The following TEP1 variants were observed in gnomAD, a reference collection of about 807,000 sequenced individuals.
The protein encoded by TEP1 is telomerase associated protein 1, also known as telomerase protein component 1.
Under a neutral mutation model 306.3 loss-of-function variants are expected in TEP1, and 241 were observed. The ratio of observed to expected loss-of-function variants is 0.79; its 90% CI spans 0.71 to 0.88. The LOEUF (loss-of-function observed/expected upper bound fraction) is 0.88, where lower values mean the gene tolerates loss of function less well. TEP1 is among the 40% of genes least tolerant of loss of function. The pLI is 0.00. For missense variants in TEP1, 3,051 were observed against 3,276.1 expected, an observed-to-expected ratio of 0.93 and a Z score of 1.68; for synonymous variants, 1,289 against 1,305.5, an observed-to-expected ratio of 0.99 and a Z score of 0.27.
Position 20,400,919 on chromosome 14 carries a change from A to T in TEP1, c.1549+65T>A, listed in dbSNP as rs1490264011. Reference sequence around the variant, plus strand: ...ATTCCACAGAAATCTTCTAGTGAGGATCTAAAATGTGGAGGCATAAATGGG... The same window carrying T: ...ATTCCACAGAAATCTTCTAGTGAGGTTCTAAAATGTGGAGGCATAAATGGG... On this transcript the variant is annotated intron_variant, in intron 9 of 54. Coordinates refer to ENST00000262715, the MANE Select transcript of TEP1 (RefSeq NM_007110.5). 7 of 1,566,690 alleles carry T rather than the reference A, an allele frequency of 4.5e-6. No individual in the cohort carries two copies. The African/African-American group carries it at 8.2e-5, about 18-fold the overall frequency.
At chr14:20,404,803 C>T (rs1879045687) in intron 4 of TEP1, 31 bp from the exon 5 acceptor site, 1 of 1,573,826 alleles carries the variant, frequency 6.4e-7, no homozygotes, top group Non-Finnish European at 8.6e-7. Context: ...ACTAGAATCT[C>T]AGTCACTCCT....
intron 1 of TEP1, among the ~76,000 whole-genome samples, chr14:20,409,890 C>T (rs996292550): frequency 5.3e-5 from 8 of 151,434 alleles, no homozygotes; most frequent in African/African-American, 1.5e-4. Flanking sequence ...GGCAGGGTGG[C>T]GGGCACCTGT....
At chr14:20,400,696 G>C in intron 9 of TEP1, 1 of 339,420 alleles carries the variant, frequency 2.9e-6, no homozygotes, top group Non-Finnish European at 5.5e-6. Context: ...GAGTTACAGA[G>C]ATATCGATAT....
chr14:20,406,592 C>A (rs989477358), intron 2 of TEP1, among the ~76,000 whole-genome samples, 192 bp from the exon 3 acceptor site: 1 of 152,234 alleles, frequency 6.6e-6, no homozygotes, highest in Non-Finnish European at 1.5e-5. Context: ...CCACCTTGCT[C>A]TACTCAACCT....
At position 20,381,064 on chromosome 14, in the gene TEP1, A is replaced by G; in HGVS notation, c.4648-19T>C. Reference sequence around the variant, plus strand: ...TCTGGAGCTGAGAAGGTCAGATTGAATTCATTAGGGATATGAAGGGGCTGG... The same window carrying G: ...TCTGGAGCTGAGAAGGTCAGATTGAGTTCATTAGGGATATGAAGGGGCTGG... On this transcript the variant is annotated intron_variant, in intron 32 of 54. Coordinates refer to ENST00000262715, the MANE Select transcript of TEP1 (RefSeq NM_007110.5). The surrounding 1 kb of genome is among the most constrained non-coding windows in gnomAD (Gnocchi z 4.0). 2 of 1,599,926 alleles carry G rather than the reference A, an allele frequency of 1.3e-6. No homozygotes were observed. The highest frequency in any genetic ancestry group is 1.7e-6 in the Non-Finnish European group (2 of 1,167,106).
chr14:20,395,965 G>C lies in TEP1; in HGVS notation c.1660-16C>G. 1 of 1,612,094 alleles carries C rather than the reference G, an allele frequency of 6.2e-7. No individual in the cohort carries two copies. Among genetic ancestry groups the C allele is most frequent in the East Asian group, 2.2e-5 (1 of 44,882 alleles). On this transcript the variant is annotated splice_polypyrimidine_tract_variant and intron_variant, in intron 10 of 54. Coordinates refer to ENST00000262715, the MANE Select transcript of TEP1 (RefSeq NM_007110.5). ...TCACCGACTTCTAGAAAGCAAAGGA[G>C]GGAGGGGTCATGAGCACAGGAGCCG...
intron 9 of TEP1, among the ~76,000 whole-genome samples, chr14:20,399,307 A>C (rs1035573797): frequency 6.6e-6 from 1 of 152,208 alleles, no homozygotes; most frequent in African/African-American, 2.4e-5. Flanking sequence ...ACTATGTATA[A>C]AAGGTTTTCT....
chr14:20,368,404 C>G lies in TEP1; in HGVS notation c.*33G>C. On this transcript the variant is annotated 3_prime_UTR_variant, in exon 55 of 55. Transcript: ENST00000262715. ...GTCTTCAGGCTTTGCATCTCTAGCA[C>G]AAGGGGTATCATTATTCCCGAGTGG... is the stretch of plus-strand genomic sequence containing the variant. The G allele has an allele frequency of 6.2e-7, 1 of 1,608,534 alleles. No homozygotes were observed. The highest frequency in any genetic ancestry group is 1.3e-5 in the African/African-American group (1 of 74,942).
chr14:20,374,383 T>C (rs371092675), intron 44 of TEP1, 46 bp downstream of exon 44: 130 of 1,448,652 alleles, frequency 9.0e-5, no homozygotes, highest in Admixed American at 3.8e-4. Context: ...AAAGCCCCCT[T>C]AGCCCTTCCA....
At chr14:20,383,128 C>T (rs373793340) in intron 27 of TEP1, 46 bp downstream of exon 27, 37 of 1,535,650 alleles carry the variant, frequency 2.4e-5, no homozygotes, top group Non-Finnish European at 3.1e-5. Flanking sequence ...CCTCATAGCT[C>T]CCAGATTCAC....
intron 51 of TEP1, 67 bp downstream of exon 51, chr14:20,371,151 C>T (rs1884808043): frequency 7.2e-7 from 1 of 1,386,476 alleles, no homozygotes; most frequent in Non-Finnish European, 1.0e-6. Flanking sequence ...CCATGACGGG[C>T]CCCAAGGTGT....
chr14:20,378,599 C>A (rs1885341600), intron 37 of TEP1, 64 bp from the exon 38 acceptor site: 2 of 1,607,210 alleles, frequency 1.2e-6, no homozygotes, highest in Admixed American at 3.3e-5. Flanking sequence ...CAGTCCCAGA[C>A]CTCCAGGAGC....
At chr14:20,400,213 C>A (rs1202398441) in intron 9 of TEP1, among the ~76,000 whole-genome samples, 2 of 150,936 alleles carry the variant, frequency 1.3e-5, no homozygotes, top group African/African-American at 4.9e-5. Flanking sequence ...TTCTACTCCA[C>A]CCCAAGTGGT....
chr14:20,384,945 T>G, intron 21 of TEP1, 40 bp downstream of exon 21: 1 of 1,613,812 alleles, frequency 6.2e-7, no homozygotes, highest in Non-Finnish European at 8.5e-7. Flanking sequence ...TGTCTGGCCT[T>G]TTGGGGAAGG....
chr14:20,371,205 A>T lies in TEP1; in HGVS notation c.7317+13T>A. ...CGAATGTTTGCTTTAGCACACACTC[A>T]AATAGGACTTACCAAGAAAGAAAGA... is the stretch of plus-strand genomic sequence containing the variant. On this transcript the variant is annotated intron_variant, in intron 51 of 54. Coordinates refer to ENST00000262715, the MANE Select transcript of TEP1 (RefSeq NM_007110.5). The T allele has an allele frequency of 6.2e-7, 1 of 1,609,124 alleles. No homozygotes were observed. The highest frequency in any genetic ancestry group is 8.5e-7 in the Non-Finnish European group (1 of 1,175,384).
At position 20,386,484 on chromosome 14, in the gene TEP1, G is replaced by A. The variant is rs745737029; in HGVS notation, c.2824C>T (p.Arg942Cys). The A allele has an allele frequency of 2.9e-5, 46 of 1,611,478 alleles. No individual in the cohort carries two copies. Among genetic ancestry groups the A allele is most frequent in the African/African-American group, 1.2e-4 (9 of 74,882 alleles). The change falls in exon 19 of 55, where the codon CGC (arginine) becomes TGC (cysteine). Residue 942 changes from arginine to cysteine, a missense_variant. Transcript: ENST00000262715. ...GTCTCCTCCTCAGTGACGCCCCAGC[G>A]GAGGTCGATTCCGTGAAGGCTGATA... ...HRISLHGIDLRWGVTEEETRR... is the reference protein window; with the variant it reads ...HRISLHGIDLCWGVTEEETRR...
chr14:20,402,592 CT>C (rs1214004511), intron 7 of TEP1, among the ~76,000 whole-genome samples: 3 of 152,192 alleles, frequency 2.0e-5, no homozygotes, highest in African/African-American at 7.2e-5. Context: ...GTAGGTTCTG[CT>C]TTTATTCCCA....
chr14:20,373,629 G>C, intron 45 of TEP1, 46 bp from the exon 46 acceptor site: 1 of 1,614,202 alleles, frequency 6.2e-7, no homozygotes, highest in Non-Finnish European at 8.5e-7. Flanking sequence ...CGGAGCAGGG[G>C]AGAAAAGAAG....
intron 49 of TEP1, among the ~76,000 whole-genome samples, chr14:20,372,362 ATGTGTG>A (rs1207479974): frequency 7.4e-6 from 1 of 135,008 alleles, no homozygotes; most frequent in Non-Finnish European, 1.6e-5. Context: ...CCCCAGGAAT[ATGTGTG>A]TGTGTGTGTG....
Sources: allele counts gnomAD v4.1 joint callset (sites outside exome capture counted in the v4.1 genomes callset), GRCh38; gene constraint gnomAD v4.1.1; non-coding constraint Gnocchi (gnomAD v3.1); transcripts MANE v1.5; gene names NCBI Gene and HGNC (gene_info 2026-07-23, HGNC 2026-07-21).